The following ATP8A2 variants were observed in gnomAD, a reference collection of about 807,000 sequenced individuals.
The protein encoded by ATP8A2 is phospholipid-transporting ATPase IB.
ATP8A2 carries 100 observed loss-of-function variants against 165.6 expected under a neutral mutation model. The ratio of observed to expected loss-of-function variants is 0.60; its 90% confidence interval spans 0.51 to 0.71. The LOEUF (loss-of-function observed/expected upper bound fraction) is 0.71, where lower values mean the gene tolerates loss of function less well. ATP8A2 is among the 30% of genes least tolerant of loss of function. The pLI is 0.00. For missense variants in ATP8A2, 1,227 were observed against 1,479.5 expected (o/e 0.83, Z 2.80); for synonymous variants, 543 against 548.8 (o/e 0.99, Z 0.15).
intron 24 of ATP8A2, among the ~76,000 whole-genome samples, chr13:25,609,697 C>T (rs1393145966): frequency 6.7e-6 from 1 of 149,120 alleles, no homozygotes; most frequent in Non-Finnish European, 1.5e-5. Context: ...TAAGGAATCT[C>T]CACACTGTGT....
chr13:25,874,423 G>T (rs148021160), intron 33 of ATP8A2, among the ~76,000 whole-genome samples: 364 of 152,270 alleles, frequency 2.4e-3, no homozygotes, highest in African/African-American at 8.4e-3. Context: ...TGCTCCTATT[G>T]TATGTTCTCT....
intron 33 of ATP8A2, among the ~76,000 whole-genome samples, chr13:25,935,937 G>A (rs1333598348): frequency 1.3e-5 from 2 of 152,170 alleles, no homozygotes; most frequent in East Asian, 3.9e-4. Flanking sequence ...CTTTGGTGGA[G>A]GTTAAGCCTA....
intron 27 of ATP8A2, among the ~76,000 whole-genome samples, chr13:25,827,756 A>G (rs551732085): frequency 3.9e-5 from 6 of 152,256 alleles, no homozygotes; most frequent in African/African-American, 7.2e-5. Context: ...GCAAAGACAC[A>G]TCGTATTTCT....
intron 35 of ATP8A2, among the ~76,000 whole-genome samples, chr13:25,969,354 A>G (rs536813268): frequency 1.3e-5 from 2 of 152,298 alleles, no homozygotes; most frequent in Admixed American, 1.3e-4. Flanking sequence ...TGTACCATCA[A>G]GGGAAATTTC....
chr13:25,837,975 T>A (rs1327124154), intron 29 of ATP8A2, among the ~76,000 whole-genome samples: 1 of 151,858 alleles, frequency 6.6e-6, no homozygotes, highest in Non-Finnish European at 1.5e-5. Flanking sequence ...TGTGGCAGAG[T>A]GCTTGGGTGA....
chr13:25,975,292 G>A (rs111723525), intron 35 of ATP8A2, among the ~76,000 whole-genome samples: 13,077 of 152,154 alleles, frequency 0.086, 1,555 homozygotes, highest in African/African-American at 0.27. Context: ...TTTTATTTTC[G>A]ACCGGTTGCG....
intron 24 of ATP8A2, among the ~76,000 whole-genome samples, chr13:25,695,465 A>G (rs1318948751): frequency 2.0e-5 from 3 of 152,222 alleles, no homozygotes; most frequent in East Asian, 3.8e-4. Context: ...AGATTTATCC[A>G]TGGCATGTGA....
intron 25 of ATP8A2, among the ~76,000 whole-genome samples, chr13:25,716,422 A>G (rs879343119): frequency 1.3e-5 from 2 of 152,108 alleles, no homozygotes; most frequent in Non-Finnish European, 2.9e-5. Flanking sequence ...ATTTACTCCT[A>G]TGTTTTCCCT....
intron 24 of ATP8A2, among the ~76,000 whole-genome samples, chr13:25,598,031 G>A (rs1217900921): frequency 6.6e-6 from 1 of 152,006 alleles, no homozygotes; most frequent in Non-Finnish European, 1.5e-5. Context: ...GTTTAAGTCT[G>A]TGATCCATTA....
chr13:25,779,487 G>C (rs1370978013), intron 27 of ATP8A2, among the ~76,000 whole-genome samples: 1 of 152,162 alleles, frequency 6.6e-6, no homozygotes. Flanking sequence ...CAAGGAGATA[G>C]AGCAGGGTAA....
intron 33 of ATP8A2, among the ~76,000 whole-genome samples, chr13:25,916,045 A>G (rs537051354): frequency 1.3e-5 from 2 of 152,208 alleles, no homozygotes; most frequent in Admixed American, 6.5e-5. Flanking sequence ...CTTTATTAAC[A>G]TGAAGCCAGT....
At chr13:25,603,791 G>A (rs2040448889) in intron 24 of ATP8A2, among the ~76,000 whole-genome samples, 1 of 152,152 alleles carries the variant, frequency 6.6e-6, no homozygotes, top group South Asian at 2.1e-4. Context: ...TCTGAGAAGA[G>A]GAAGACCATA....
At chr13:25,467,544 C>T (rs1593350277) in intron 1 of ATP8A2, among the ~76,000 whole-genome samples, 1 of 150,480 alleles carries the variant, frequency 6.6e-6, no homozygotes, top group East Asian at 1.9e-4. Flanking sequence ...GGTTTACTTG[C>T]GTAAGATGTC....
intron 33 of ATP8A2, among the ~76,000 whole-genome samples, chr13:25,896,720 T>C (rs2138926934): frequency 6.6e-6 from 1 of 152,348 alleles, no homozygotes; most frequent in East Asian, 1.9e-4. Flanking sequence ...GGTGCTCCTG[T>C]ATTGGGTGCA....
chr13:25,975,526 G>C (rs888510255), intron 35 of ATP8A2, among the ~76,000 whole-genome samples: 2 of 151,928 alleles, frequency 1.3e-5, no homozygotes, highest in Admixed American at 6.5e-5. Flanking sequence ...AGCTTGCGGT[G>C]AGCCGAGATC....
At chr13:25,576,985 C>G in intron 19 of ATP8A2, 84 bp from the exon 20 acceptor site, 1 of 1,081,134 alleles carries the variant, frequency 9.2e-7, no homozygotes, top group Non-Finnish European at 1.4e-6. Context: ...CCCCAGACCC[C>G]CTTTTGTTTT....
intron 24 of ATP8A2, among the ~76,000 whole-genome samples, chr13:25,609,601 A>ATATATATTTGGATTCAAATATATATATC (rs2040626792): frequency 6.7e-6 from 1 of 149,084 alleles, no homozygotes. Context: ...AAATATATAT[A>ATATATATTTGGATTCAAATATATATATC]TATTTGAATA....
intron 33 of ATP8A2, among the ~76,000 whole-genome samples, chr13:25,885,803 T>C (rs1953132397): frequency 6.6e-6 from 1 of 152,250 alleles, no homozygotes; most frequent in East Asian, 1.9e-4. Context: ...CTTGTTTTCA[T>C]GCATTACTCC....
chr13:25,537,666 A>G (rs939487830), intron 6 of ATP8A2, among the ~76,000 whole-genome samples: 1 of 152,166 alleles, frequency 6.6e-6, no homozygotes, highest in Non-Finnish European at 1.5e-5. Flanking sequence ...GTATACAGCT[A>G]TGGAAATGCT....
Sources: gnomAD v4.1 joint callset for allele counts (sites outside exome capture counted in the v4.1 genomes callset) on GRCh38, gnomAD v4.1.1 for gene constraint, MANE v1.5 for transcripts, NCBI Gene and HGNC (gene_info 2026-07-23, HGNC 2026-07-21) for gene names.